GARIN1B: variants seen among roughly 807,000 people sequenced by gnomAD.
GARIN1B encodes the protein golgi associated RAB2 interactor 1B, also known as Golgi-associated RAB2 interactor protein 1B.
At chr7:128,724,966 G>C in the GARIN1B span, 1 of 1,007,946 alleles carries the variant, frequency 9.9e-7, no homozygotes, top group East Asian at 6.3e-5. Context: ...CTTCAGATCT[G>C]TAAAATGGAA....
chr7:128,716,291 C>T, the GARIN1B span, among the ~76,000 whole-genome samples: 2 of 152,126 alleles, frequency 1.3e-5, no homozygotes, highest in Non-Finnish European at 2.9e-5. Context: ...CGAGAATGAA[C>T]AGCACTTTGG....
At chr7:128,715,975 G>A in the GARIN1B span, among the ~76,000 whole-genome samples, 15 of 152,180 alleles carry the variant, frequency 9.9e-5, no homozygotes, top group Non-Finnish European at 2.9e-5. Context: ...CCCCCAGGCT[G>A]TCACCTGAAG....
At chr7:128,713,357 T>C in the GARIN1B span, among the ~76,000 whole-genome samples, 1 of 152,172 alleles carries the variant, frequency 6.6e-6, no homozygotes, top group South Asian at 2.1e-4. Flanking sequence ...AGACAACTAA[T>C]AGACAACTAA....
the GARIN1B span, among the ~76,000 whole-genome samples, chr7:128,714,331 C>A: frequency 6.6e-6 from 1 of 152,034 alleles, no homozygotes; most frequent in South Asian, 2.1e-4. Context: ...AATCCCAGCA[C>A]TTTGGGAGGT....
the GARIN1B span, among the ~76,000 whole-genome samples, chr7:128,709,748 C>CTGTG: frequency 1.5e-5 from 1 of 68,650 alleles, no homozygotes; most frequent in African/African-American, 4.5e-5. Context: ...CTCTCTCTCT[C>CTGTG]TCTTTTTTTT....
the GARIN1B span, among the ~76,000 whole-genome samples, chr7:128,718,542 G>A: frequency 6.6e-6 from 1 of 152,164 alleles, no homozygotes; most frequent in African/African-American, 2.4e-5. Context: ...AGGGTCTAGG[G>A]CACACGAGAA....
At chr7:128,713,034 G>C in the GARIN1B span, among the ~76,000 whole-genome samples, 3 of 152,164 alleles carry the variant, frequency 2.0e-5, no homozygotes, top group Non-Finnish European at 4.4e-5. Context: ...GGCCGGGCAT[G>C]GTGGCTCAGG....
the GARIN1B span, chr7:128,714,217 AATGATTGTCAAACTCTGTC>A: frequency 7.7e-7 from 1 of 1,299,022 alleles, no homozygotes; most frequent in Non-Finnish European, 1.1e-6. Flanking sequence ...CTTTGTGTGT[AATGATTGTCAAACTCTGTC>A]TATATGTGTT....
the GARIN1B span, among the ~76,000 whole-genome samples, chr7:128,725,720 C>T: frequency 2.0e-5 from 3 of 152,144 alleles, no homozygotes; most frequent in Non-Finnish European, 2.9e-5. Flanking sequence ...TCTGTTTATA[C>T]CTCATTGGCC....
chr7:128,715,112 G>A, the GARIN1B span: 1 of 238,066 alleles, frequency 4.2e-6, no homozygotes, highest in Non-Finnish European at 6.8e-6. Context: ...TTTCCTCTTA[G>A]CAGTGGAAGG....
chr7:128,726,990 C>A, the GARIN1B span: 1 of 862,918 alleles, frequency 1.2e-6, no homozygotes. Context: ...CATTGTCCTT[C>A]CATGCCTTAG....
At chr7:128,724,725 G>A in the GARIN1B span, 1 of 1,289,242 alleles carries the variant, frequency 7.8e-7, no homozygotes, top group Non-Finnish European at 1.0e-6. Flanking sequence ...ATGTCACCAG[G>A]AGAGAAAAAT....
the GARIN1B span, among the ~76,000 whole-genome samples, chr7:128,728,354 A>G: frequency 1.3e-5 from 2 of 152,102 alleles, no homozygotes; most frequent in Non-Finnish European, 1.5e-5. Context: ...AGACAGGAGA[A>G]TCGCTTGAAT....
the GARIN1B span, among the ~76,000 whole-genome samples, chr7:128,728,886 C>T: frequency 5.9e-5 from 9 of 152,068 alleles, no homozygotes; most frequent in Non-Finnish European, 1.3e-4. Flanking sequence ...TCATGTTATG[C>T]GACTAATGAC....
the GARIN1B span, among the ~76,000 whole-genome samples, chr7:128,725,247 G>A: frequency 6.6e-6 from 1 of 152,174 alleles, no homozygotes; most frequent in South Asian, 2.1e-4. Context: ...TTCTCGATGA[G>A]ATGTCATATT....
the GARIN1B span, among the ~76,000 whole-genome samples, chr7:128,709,806 C>T: frequency 1.4e-5 from 2 of 142,432 alleles, no homozygotes; most frequent in Non-Finnish European, 3.0e-5. Flanking sequence ...GGCTGGAGTG[C>T]AATGGCGTGA....
the GARIN1B span, among the ~76,000 whole-genome samples, chr7:128,711,596 G>A: frequency 1.8e-4 from 27 of 151,704 alleles, 1 homozygote; most frequent in East Asian, 1.5e-3. Context: ...TCAACTAAAT[G>A]AACCAGGTTG....
the GARIN1B span, among the ~76,000 whole-genome samples, chr7:128,709,591 G>A: frequency 5.3e-5 from 8 of 152,046 alleles, no homozygotes; most frequent in Non-Finnish European, 4.4e-5. Context: ...GCTGGAAAGA[G>A]GTCTGAGGCC....
At chr7:128,718,550 G>C in the GARIN1B span, among the ~76,000 whole-genome samples, 20 of 152,146 alleles carry the variant, frequency 1.3e-4, no homozygotes, top group African/African-American at 4.3e-4. Flanking sequence ...GGGCACACGA[G>C]AATCATGGCA....
Sources: allele counts gnomAD v4.1 joint callset (sites outside exome capture counted in the v4.1 genomes callset), GRCh38; gene constraint gnomAD v4.1.1; transcripts MANE v1.5; gene names NCBI Gene and HGNC (gene_info 2026-07-23, HGNC 2026-07-21).